Variants in CLDN17 observed in about 807,000 individuals in gnomAD.
The protein encoded by CLDN17 is claudin 17.
Under a neutral mutation model 0.1 loss-of-function variants are expected in CLDN17, and 1 was observed. The observed-to-expected ratio is 8.90, with a 90% confidence interval of 3.16 to 42.21. The LOEUF is 42.21. Ranked by LOEUF, CLDN17 falls within the 30% of genes most tolerant of loss-of-function variation. The probability of loss-of-function intolerance (pLI) is 0.11; values close to 1 mark genes in which losing one functional copy is unlikely to be tolerated. For synonymous variants in CLDN17, 134 were observed against 106.7 expected (o/e 1.26, Z -1.58); for missense variants, 294 against 274.9 (o/e 1.07, Z -0.49).
rs1980826174 is a variant in CLDN17 at position 30,165,642 on chromosome 21, T to C, written c.*301A>G. On this transcript the variant is annotated 3_prime_UTR_variant, in exon 1 of 1. Transcript: ENST00000286808. ...ATTCTTATCAGATAATACATGATGG[T>C]CAAAAAGTAATAAGTAGTCCATCAT... 1 of 399,864 alleles carries C rather than the reference T, an allele frequency of 2.5e-6. No homozygotes were observed. The highest frequency in any genetic ancestry group is 4.3e-5 in the Admixed American group (1 of 23,486). 24.8% of individuals were successfully genotyped at this position (399,864 alleles called of 1,614,324 possible). A position where few individuals can be genotyped will look rare whatever the true frequency, so the allele number is the denominator to read the frequency against.
In CLDN17 at chr21:30,165,749, T is replaced by C; in HGVS notation, c.*194A>G. 1 of 604,400 alleles carries C rather than the reference T, an allele frequency of 1.7e-6. No individual in the cohort carries two copies. 37.4% of individuals were successfully genotyped at this position (604,400 alleles called of 1,614,324 possible). A position where few individuals can be genotyped will look rare whatever the true frequency, so the allele number is the denominator to read the frequency against. ...AGCGATTGGGTCCAACAATAGTCAA[T>C]GCATTTAATACACCTGAAGTCAGAA... On this transcript the variant is annotated 3_prime_UTR_variant, in exon 1 of 1. Coordinates refer to ENST00000286808, the MANE Select transcript of CLDN17 (RefSeq NM_012131.3).
chr21:30,166,485 T>G lies in CLDN17; in HGVS notation c.133A>C (p.Arg45=), dbSNP rs756540854. The G allele has an allele frequency of 3.1e-6, 5 of 1,614,028 alleles. No individual in the cohort carries two copies. In the East Asian group the frequency reaches 6.7e-5, roughly 22 times the overall value. Residue 45 remains arginine, a synonymous_variant, in exon 1 of 1, where the codon AGG becomes CGG. Coordinates refer to ENST00000286808, the MANE Select transcript of CLDN17 (RefSeq NM_012131.3). The part of the protein sequence containing the change: ...FVGSNIIVFE[R]LWEGLWMNCI... ...TTCATCCAGAGCCCTTCCCAGAGCC[T>G]CTCAAAGACAATAATGTTGCTGCCA... is the stretch of plus-strand genomic sequence containing the variant.
rs1295951628 is a variant in CLDN17, at chr21:30,166,032, T to A, written c.586A>T (p.Arg196Ter). The A allele has an allele frequency of 6.2e-7, 1 of 1,614,222 alleles. No individual in the cohort carries two copies. Among genetic ancestry groups the A allele is most frequent in the African/African-American group, 1.3e-5 (1 of 75,062 alleles). ...CCCNRKKQGY[R>*]YPVPGYRVPH... ...ACACGGTAGCCAGGCACTGGATATC[T>A]GTACCCTTGCTTCTTTCTGTTGCAG... Residue 196 changes from arginine to a stop codon, truncating the protein, a stop_gained, in exon 1 of 1, where the codon AGA (arginine) becomes TGA (stop). Transcript: ENST00000286808. LOFTEE classifies it low-confidence loss of function (END_TRUNC).
In CLDN17 at chr21:30,165,872, T is replaced by G. The variant is rs143710208; in HGVS notation, c.*71A>C. ...ATAAAGCAAGTTCTCCTGCCTCACA[T>G]ACTTACAGTTTCTAGCAGGACTTTA... On this transcript the variant is annotated 3_prime_UTR_variant, in exon 1 of 1. Coordinates refer to ENST00000286808, the MANE Select transcript of CLDN17 (RefSeq NM_012131.3). The G allele has an allele frequency of 3.5e-4, 496 of 1,406,324 alleles. 8 individuals carry two copies. In the East Asian group the frequency reaches 8.5e-3, roughly 24 times the overall value. 87.1% of individuals were successfully genotyped at this position (1,406,324 alleles called of 1,614,324 possible). A position where few individuals can be genotyped will look rare whatever the true frequency, so the allele number is the denominator to read the frequency against.
chr21:30,166,154 A>G lies in CLDN17; in HGVS notation c.464T>C (p.Ile155Thr), dbSNP rs780051728. 3.7e-6 allele frequency: 6 copies of G among 1,614,138 alleles called. No homozygotes were observed. The highest frequency in any genetic ancestry group is 5.1e-6 in the Non-Finnish European group (6 of 1,180,014). The change falls in exon 1 of 1, where the codon ATA (isoleucine) becomes ACA (threonine). Residue 155 changes from isoleucine to threonine, a missense_variant. Physicochemically the swap from Ile to Thr is moderately conservative, Grantham distance 89 (BLOSUM62 -1). Coordinates refer to ENST00000286808, the MANE Select transcript of CLDN17 (RefSeq NM_012131.3). ...IRDFYNPAIH[I>T]GQKRELGAAL... The stretch of plus-strand genomic sequence containing the variant: ...TGCTCCCAGCTCTCGTTTCTGACCT[A>G]TGTGGATGGCTGGGTTGTAGAAATC...
Position 30,165,871 on chromosome 21 carries a change from A to G in CLDN17, c.*72T>C, listed in dbSNP as rs1452648316. ...CATAAAGCAAGTTCTCCTGCCTCAC[A>G]TACTTACAGTTTCTAGCAGGACTTT... On this transcript the variant is annotated 3_prime_UTR_variant, in exon 1 of 1. Transcript: ENST00000286808. 1 of 1,406,226 alleles carries G rather than the reference A, an allele frequency of 7.1e-7. No homozygotes were observed. The highest frequency in any genetic ancestry group is 1.3e-5 in the South Asian group (1 of 74,828). 87.1% of individuals were successfully genotyped at this position (1,406,226 alleles called of 1,614,324 possible).
Position 30,165,696 on chromosome 21 carries a change from C to A in CLDN17, c.*247G>T. 1.8e-6 allele frequency: 1 copy of A among 551,768 alleles called. No individual in the cohort carries two copies. The highest frequency in any genetic ancestry group is 3.2e-6 in the Non-Finnish European group (1 of 311,632). The allele number at this position is 551,768 out of a possible 1,614,324, so 34.2% of individuals were successfully genotyped here. On this transcript the variant is annotated 3_prime_UTR_variant, in exon 1 of 1. Coordinates refer to ENST00000286808, the MANE Select transcript of CLDN17 (RefSeq NM_012131.3). ...ACACTTGCTAATGATTATGGGTATA[C>A]TTGAATTTAGAATATGAAAATTGGA...
At position 30,166,019 on chromosome 21, in the gene CLDN17, G is replaced by C; in HGVS notation, c.599C>G (p.Pro200Arg). ...ATCTGTGTGTGGCACACGGTAGCCA[G>C]GCACTGGATATCTGTACCCTTGCTT... ...RKKQGYRYPV[P>R]GYRVPHTDKR... The change falls in exon 1 of 1, where the codon CCT becomes CGT. Residue 200 changes from proline (P) to arginine (R), a missense_variant. Transcript: ENST00000286808. The C allele has an allele frequency of 3.1e-6, 5 of 1,614,210 alleles. No homozygotes were observed. Among genetic ancestry groups the C allele is most frequent in the Non-Finnish European group, 8.5e-7 (1 of 1,180,038 alleles).
In CLDN17 at chr21:30,166,363, A is replaced by C. The variant is rs1435545806; in HGVS notation, c.255T>G (p.Cys85Trp). Residue 85 changes from cysteine to tryptophan, a missense_variant, in exon 1 of 1, where the codon TGT becomes TGG. By Grantham distance (215) the Cys-to-Trp change is radical. Transcript: ENST00000286808. ...CGATCAAGGAGAGAGCAACAGCCAC[A>C]CACATGAGGGCCCGGGCTGTTTCCA... is the stretch of plus-strand genomic sequence containing the variant. The part of the protein sequence containing the change: ...PALETARALM[C>W]VAVALSLIAL... 3 of 1,614,022 alleles carry C rather than the reference A, an allele frequency of 1.9e-6. No homozygotes were observed. The highest frequency in any genetic ancestry group is 2.2e-5 in the East Asian group (1 of 44,882).
In CLDN17 at chr21:30,166,005, G is replaced by T; in HGVS notation, c.613C>A (p.Pro205Thr). 1.9e-6 allele frequency: 3 copies of T among 1,614,162 alleles called. No homozygotes were observed. The highest frequency in any genetic ancestry group is 2.5e-6 in the Non-Finnish European group (3 of 1,180,020). The change falls in exon 1 of 1, where the codon CCA becomes ACA. Residue 205 changes from proline to threonine, a missense_variant. Coordinates refer to ENST00000286808, the MANE Select transcript of CLDN17 (RefSeq NM_012131.3). ...YRYPVPGYRV[P>T]HTDKRRNTTM... is the part of the protein sequence containing the mutation. ...GTATTTCTTCGCTTATCTGTGTGTGGCACACGGTAGCCAGGCACTGGATAT... is the reference window on the plus strand; with the variant it reads ...GTATTTCTTCGCTTATCTGTGTGTGTCACACGGTAGCCAGGCACTGGATAT...
chr21:30,166,767 T>C lies in CLDN17; in HGVS notation c.-150A>G. 1 of 678,624 alleles carries C rather than the reference T, an allele frequency of 1.5e-6. No individual in the cohort carries two copies. The highest frequency in any genetic ancestry group is 2.5e-6 in the Non-Finnish European group (1 of 398,976). 42.0% of individuals were successfully genotyped at this position (678,624 alleles called of 1,614,324 possible). A position where few individuals can be genotyped will look rare whatever the true frequency, so the allele number is the denominator to read the frequency against. On this transcript the variant is annotated 5_prime_UTR_variant, in exon 1 of 1. Transcript: ENST00000286808. ...TTTAGTCCAAATCAGTAGCTGTGAC[T>C]GAACTTGGCCTAACTAGAAGTACCT...
Position 30,165,717 on chromosome 21 carries a change from T to C in CLDN17, c.*226A>G, listed in dbSNP as rs535769380. The C allele has an allele frequency of 5.1e-5, 29 of 570,532 alleles. No homozygotes were observed. In the Middle Eastern group the frequency reaches 1.4e-3, roughly 27 times the overall value. The allele number at this position is 570,532 out of a possible 1,614,324, so 35.3% of individuals were successfully genotyped here. ...TATACTTGAATTTAGAATATGAAAA[T>C]TGGAGCAGCGATTGGGTCCAACAAT... is the stretch of plus-strand genomic sequence containing the variant. On this transcript the variant is annotated 3_prime_UTR_variant, in exon 1 of 1. Transcript: ENST00000286808.
chr21:30,166,229 C>A lies in CLDN17; in HGVS notation c.389G>T (p.Gly130Val). The change falls in exon 1 of 1, where the codon GGC becomes GTC. Residue 130 changes from glycine to valine, a missense_variant. Coordinates refer to ENST00000286808, the MANE Select transcript of CLDN17 (RefSeq NM_012131.3). ...GCTCACCGGAATCAGAACGAAGATG[C>A]CCGTCAGGATGAAGAGGACTCCTGA... ...GTSGVLFILT[G>V]IFVLIPVSWT... The A allele has an allele frequency of 3.1e-6, 5 of 1,614,128 alleles. No homozygotes were observed. Among genetic ancestry groups the A allele is most frequent in the Non-Finnish European group, 4.2e-6 (5 of 1,180,022 alleles).
chr21:30,166,074 G>A lies in CLDN17; in HGVS notation c.544C>T (p.Leu182Phe). Residue 182 changes from leucine (L) to phenylalanine (F), a missense_variant, in exon 1 of 1, where the codon CTT (leucine) becomes TTT (phenylalanine). Transcript: ENST00000286808. ...CTGTTGCAGCAGCAAAATCCACAAA[G>A]CAGACCCCCTCCAATGAAGAGGACA... ...AAVLFIGGGL[L>F]CGFCCCNRKK... 2 of 1,614,144 alleles carry A rather than the reference G, an allele frequency of 1.2e-6. No homozygotes were observed. The highest frequency in any genetic ancestry group is 1.7e-6 in the Non-Finnish European group (2 of 1,180,038).
chr21:30,166,201 C>T lies in CLDN17; in HGVS notation c.417G>A (p.Trp139Ter). Residue 139 changes from tryptophan (W) to a stop codon, truncating the protein, a stop_gained, in exon 1 of 1, where the codon TGG (tryptophan) becomes TGA (stop). Transcript: ENST00000286808. LOFTEE classifies it low-confidence loss of function (END_TRUNC). ...TGIFVLIPVS[W>*]TANIIIRDFY... The stretch of plus-strand genomic sequence containing the variant: ...AATCTCTGATGATTATATTGGCTGT[C>T]CAGCTCACCGGAATCAGAACGAAGA... 6.2e-7 allele frequency: 1 copy of T among 1,614,134 alleles called. No homozygotes were observed. The highest frequency in any genetic ancestry group is 8.5e-7 in the Non-Finnish European group (1 of 1,180,022).
chr21:30,166,080 C>G lies in CLDN17; in HGVS notation c.538G>C (p.Gly180Arg). The G allele has an allele frequency of 1.2e-6, 2 of 1,614,122 alleles. No individual in the cohort carries two copies. Among genetic ancestry groups the G allele is most frequent in the Non-Finnish European group, 1.7e-6 (2 of 1,180,042 alleles). Residue 180 changes from glycine (G) to arginine (R), a missense_variant, in exon 1 of 1, where the codon GGT becomes CGT. Transcript: ENST00000286808. ...CAGCAGCAAAATCCACAAAGCAGACCCCCTCCAATGAAGAGGACAGCAGCG... is the reference window on the plus strand; with the variant it reads ...CAGCAGCAAAATCCACAAAGCAGACGCCCTCCAATGAAGAGGACAGCAGCG... ...ASAAVLFIGG[G>R]LLCGFCCCNR... is the part of the protein sequence containing the mutation.
At position 30,166,620 on chromosome 21, in the gene CLDN17, C is replaced by G; in HGVS notation, c.-3G>C. 6.2e-7 allele frequency: 1 copy of G among 1,602,588 alleles called. No individual in the cohort carries two copies. Among genetic ancestry groups the G allele is most frequent in the Non-Finnish European group, 8.5e-7 (1 of 1,175,236 alleles). On this transcript the variant is annotated 5_prime_UTR_variant, in exon 1 of 1. Transcript: ENST00000286808. Reference sequence around the variant, plus strand: ...ATTTGCAAGGGATAAAATGCCATTGCCTTTACTTTGAAGACTGGTTCAATT... The same window carrying G: ...ATTTGCAAGGGATAAAATGCCATTGGCTTTACTTTGAAGACTGGTTCAATT...
In CLDN17 at chr21:30,166,348, G is replaced by A; in HGVS notation, c.270C>T (p.Leu90=). Residue 90 remains leucine (L), a synonymous_variant, in exon 1 of 1, where the codon CTC becomes CTT. Transcript: ENST00000286808. ...ARALMCVAVA[L]SLIALLIGIC... is the part of the protein sequence containing the mutation. ...TGCCAATAAGCAGGGCGATCAAGGA[G>A]AGAGCAACAGCCACACACATGAGGG... is the stretch of plus-strand genomic sequence containing the variant. The A allele has an allele frequency of 6.2e-7, 1 of 1,614,154 alleles. No homozygotes were observed. The highest frequency in any genetic ancestry group is 1.1e-5 in the South Asian group (1 of 91,080).
Position 30,166,257 on chromosome 21 carries a change from T to C in CLDN17, c.361A>G (p.Thr121Ala). The C allele has an allele frequency of 6.2e-7, 1 of 1,614,140 alleles. No individual in the cohort carries two copies. Among genetic ancestry groups the C allele is most frequent in the Non-Finnish European group, 8.5e-7 (1 of 1,180,022 alleles). Residue 121 changes from threonine (T) to alanine (A), a missense_variant, in exon 1 of 1, where the codon ACT becomes GCT. Physicochemically the swap from Thr to Ala is moderately conservative, Grantham distance 58. Transcript: ENST00000286808. ...NERAKAYLLG[T>A]SGVLFILTGI... ...GTCAGGATGAAGAGGACTCCTGAAG[T>C]TCCCAGAAGGTATGCTTTGGCCCTC...
Sources: gnomAD v4.1 joint callset for allele counts on GRCh38, gnomAD v4.1.1 for gene constraint, MANE v1.5 for transcripts, NCBI Gene and HGNC (gene_info 2026-07-23, HGNC 2026-07-21) for gene names.